AKAP6: variants seen among roughly 807,000 people sequenced by gnomAD.
AKAP6 encodes the protein A-kinase anchor protein 6.
AKAP6 carries 58 observed loss-of-function variants against 188.5 expected under a neutral mutation model. The ratio of observed to expected loss-of-function variants is 0.31; its 90% CI spans 0.25 to 0.38. The LOEUF (loss-of-function observed/expected upper bound fraction) is 0.38, where lower values mean the gene tolerates loss of function less well. AKAP6 is among the 10% of genes least tolerant of loss of function. AKAP6 has a pLI of 1.00. For synonymous variants in AKAP6, 989 were observed against 998.6 expected, an observed-to-expected ratio of 0.99 and a Z score of 0.18; for missense variants, 2,710 against 2,740.0, an observed-to-expected ratio of 0.99 and a Z score of 0.24.
At chr14:32,541,330 AAT>A (rs10594060) in intron 3 of AKAP6, among the ~76,000 whole-genome samples, 110,217 of 148,048 alleles carry the variant, frequency 0.74, 41,842 homozygotes, top group Middle Eastern at 0.86. Context: ...ATATTCATCT[AAT>A]ATATATATAT....
intron 5 of AKAP6, among the ~76,000 whole-genome samples, chr14:32,580,063 A>G (rs1436495900): frequency 6.6e-6 from 1 of 152,152 alleles, no homozygotes; most frequent in Non-Finnish European, 1.5e-5. Context: ...AAATATAAAA[A>G]TCATACTCAA....
intron 1 of AKAP6, among the ~76,000 whole-genome samples, chr14:32,420,909 TTGTGTGTG>T (rs71432053): frequency 1.4e-5 from 2 of 146,408 alleles, no homozygotes; most frequent in Non-Finnish European, 3.0e-5. Flanking sequence ...GGAGATTGAT[TTGTGTGTG>T]TGTGTGTGTG....
At chr14:32,421,848 G>T (rs115559013) in intron 1 of AKAP6, among the ~76,000 whole-genome samples, 1 of 152,108 alleles carries the variant, frequency 6.6e-6, no homozygotes, top group Non-Finnish European at 1.5e-5. Context: ...CTAGTCTCTC[G>T]ACTGGAGGGT....
At chr14:32,527,246 C>G (rs995434931) in intron 2 of AKAP6, among the ~76,000 whole-genome samples, 3 of 152,078 alleles carry the variant, frequency 2.0e-5, no homozygotes, top group African/African-American at 7.2e-5. Flanking sequence ...TTTAAGGTTC[C>G]TCATGTCTTT....
chr14:32,373,901 C>A (rs1346197124), intron 1 of AKAP6, among the ~76,000 whole-genome samples: 1 of 152,148 alleles, frequency 6.6e-6, no homozygotes, highest in Non-Finnish European at 1.5e-5. Flanking sequence ...AACCCTTACT[C>A]CATAATTATA....
intron 1 of AKAP6, among the ~76,000 whole-genome samples, chr14:32,421,017 G>A (rs1276459949): frequency 2.0e-5 from 3 of 151,684 alleles, no homozygotes; most frequent in African/African-American, 4.8e-5. Context: ...TTCTAGGTTA[G>A]AATTATTTTT....
intron 2 of AKAP6, among the ~76,000 whole-genome samples, chr14:32,436,327 T>G (rs1261247334): frequency 6.6e-6 from 1 of 152,230 alleles, no homozygotes; most frequent in Admixed American, 6.5e-5. Context: ...TCTCCACTTG[T>G]GTCTCTAGTG....
intron 1 of AKAP6, among the ~76,000 whole-genome samples, chr14:32,368,585 G>A (rs1218701357): frequency 6.6e-6 from 1 of 152,074 alleles, no homozygotes; most frequent in African/African-American, 2.4e-5. Flanking sequence ...GTGGGGGAAG[G>A]AGGAACAGGT....
At chr14:32,422,141 C>T (rs1889870799) in intron 1 of AKAP6, among the ~76,000 whole-genome samples, 1 of 152,148 alleles carries the variant, frequency 6.6e-6, no homozygotes, top group Non-Finnish European at 1.5e-5. Flanking sequence ...CAAGATTAAT[C>T]TTCTTAACAT....
chr14:32,718,599 G>C (rs1465747170), intron 9 of AKAP6, among the ~76,000 whole-genome samples: 1 of 152,108 alleles, frequency 6.6e-6, no homozygotes. Flanking sequence ...TTCTTTGATA[G>C]GTTTTCACAG....
At chr14:32,560,299 A>G (rs927783872) in intron 4 of AKAP6, among the ~76,000 whole-genome samples, 22 of 152,348 alleles carry the variant, frequency 1.4e-4, no homozygotes, top group Admixed American at 1.1e-3. Context: ...TTGTTGAGAC[A>G]TGTCAGGATC....
intron 2 of AKAP6, among the ~76,000 whole-genome samples, chr14:32,509,144 T>TGA (rs60042278): frequency 2.9e-3 from 305 of 103,816 alleles, no homozygotes; most frequent in Non-Finnish European, 4.7e-3. Context: ...TTTTTTTTTT[T>TGA]GAGAGAGTCT....
At chr14:32,490,696 G>A (rs974781426) in intron 2 of AKAP6, among the ~76,000 whole-genome samples, 2 of 151,986 alleles carry the variant, frequency 1.3e-5, no homozygotes, top group African/African-American at 4.8e-5. Context: ...CTCTAGATTC[G>A]GCTTATACAT....
At chr14:32,690,944 T>A (rs1188561739) in intron 8 of AKAP6, among the ~76,000 whole-genome samples, 1 of 152,226 alleles carries the variant, frequency 6.6e-6, no homozygotes, top group African/African-American at 2.4e-5. Flanking sequence ...AGAGTATATA[T>A]GAGTTTGCTT....
chr14:32,561,348 G>A (rs777966959), intron 4 of AKAP6, among the ~76,000 whole-genome samples: 16 of 151,996 alleles, frequency 1.1e-4, no homozygotes, highest in Non-Finnish European at 2.1e-4. Flanking sequence ...AAGTAGCATC[G>A]TGACCTTGGA....
At chr14:32,575,238 G>C in intron 4 of AKAP6, among the ~76,000 whole-genome samples, 1 of 152,142 alleles carries the variant, frequency 6.6e-6, no homozygotes. Flanking sequence ...ATACCCTGAA[G>C]ATAGGAGAAG....
At chr14:32,378,708 G>A (rs1006151758) in intron 1 of AKAP6, among the ~76,000 whole-genome samples, 2 of 152,180 alleles carry the variant, frequency 1.3e-5, no homozygotes, top group African/African-American at 4.8e-5. Flanking sequence ...ACCAAAACTA[G>A]TAACTGCTTT....
chr14:32,696,213 C>T, intron 9 of AKAP6, 103 bp downstream of exon 9: 9 of 1,400,674 alleles, frequency 6.4e-6, no homozygotes, highest in Non-Finnish European at 8.4e-6. Context: ...TTGTATGTAT[C>T]ATGGTGTCTA....
Position 32,830,194 on chromosome 14 carries a change from CTG to C in AKAP6, c.*391_*392del. 1 of 500,962 alleles carries C rather than the reference CTG, an allele frequency of 2.0e-6. No homozygotes were observed. Among genetic ancestry groups the C allele is most frequent in the South Asian group, 2.9e-5 (1 of 34,806 alleles). 31.0% of individuals were successfully genotyped at this position (500,962 alleles called of 1,614,324 possible). A position where few individuals can be genotyped will look rare whatever the true frequency, so the allele number is the denominator to read the frequency against. On this transcript the variant is annotated 3_prime_UTR_variant, in exon 14 of 14. Transcript: ENST00000280979. The stretch of plus-strand genomic sequence containing the variant: ...CCAACTGGTAGTCCATTAAATTCTC[CTG>C]TCTAGAATGACCCCCCCACCAGTAC...
Sources: allele counts gnomAD v4.1 joint callset (sites outside exome capture counted in the v4.1 genomes callset), GRCh38; gene constraint gnomAD v4.1.1; transcripts MANE v1.5; gene names NCBI Gene and HGNC (gene_info 2026-07-23, HGNC 2026-07-21).